Variants in XXYLT1 observed in about 807,000 individuals in gnomAD.
XXYLT1 encodes xyloside xylosyltransferase 1.
In XXYLT1, 20 loss-of-function variants were observed where a neutral mutation model predicts 28.9. The ratio of observed to expected loss-of-function variants is 0.69; its 90% CI spans 0.49 to 1.00. The LOEUF is 1.00. Ranked by LOEUF, XXYLT1 falls within the 50% of genes least tolerant of loss-of-function variation. The probability of loss-of-function intolerance (pLI) is 0.00; values close to 1 mark genes in which losing one functional copy is unlikely to be tolerated. For synonymous variants in XXYLT1, 257 were observed against 253.8 expected (o/e 1.01, Z -0.12); for missense variants, 542 against 560.1 (o/e 0.97, Z 0.33).
intron 3 of XXYLT1, among the ~76,000 whole-genome samples, chr3:195,155,983 C>A (rs116898045): frequency 1.3e-5 from 2 of 152,182 alleles, no homozygotes; most frequent in Non-Finnish European, 2.9e-5. Context: ...ATGCGGAATG[C>A]GCTTCTTCGT....
At chr3:195,200,744 T>C (rs1364615110) in intron 2 of XXYLT1, among the ~76,000 whole-genome samples, 1 of 152,120 alleles carries the variant, frequency 6.6e-6, no homozygotes, top group Admixed American at 6.5e-5. Flanking sequence ...GCCCCATCAG[T>C]TACTCGTTAG....
rs989707569 is a variant in XXYLT1, at chr3:195,246,258, G to A, written c.505-19402C>T. 1.1e-4 allele frequency among the ~76,000 whole-genome samples: 17 copies of A among 152,342 alleles called. No individual in the cohort carries two copies. In the South Asian group the frequency reaches 1.4e-3, roughly 13 times the overall value. On this transcript the variant is annotated intron_variant, in intron 1 of 3. Coordinates refer to ENST00000310380, the MANE Select transcript of XXYLT1 (RefSeq NM_152531.5). Reference sequence around the variant, plus strand: ...CATCGGTCCCCAGGAAGACAAGGCTGTCACGACTGGAAGAAAGAAGACCTG... The same window carrying A: ...CATCGGTCCCCAGGAAGACAAGGCTATCACGACTGGAAGAAAGAAGACCTG...
At chr3:195,101,098 C>T (rs1215832358) in intron 3 of XXYLT1, among the ~76,000 whole-genome samples, 2 of 152,286 alleles carry the variant, frequency 1.3e-5, no homozygotes, top group Non-Finnish European at 1.5e-5. Context: ...AGCCTCACTG[C>T]TGTAATCCAC....
intron 3 of XXYLT1, among the ~76,000 whole-genome samples, chr3:195,143,888 A>T (rs988944481): frequency 0.013 from 1,531 of 116,312 alleles, 83 homozygotes; most frequent in East Asian, 0.036. Flanking sequence ...ATATATATAT[A>T]TTTATTTTTT....
At chr3:195,231,180 T>G (rs1724283179) in intron 1 of XXYLT1, among the ~76,000 whole-genome samples, 1 of 152,196 alleles carries the variant, frequency 6.6e-6, no homozygotes, top group South Asian at 2.1e-4. Flanking sequence ...TGTTCACTGT[T>G]GGCATATAGA....
chr3:195,104,684 T>A (rs1177689325), intron 3 of XXYLT1, among the ~76,000 whole-genome samples: 1 of 152,204 alleles, frequency 6.6e-6, no homozygotes, highest in Non-Finnish European at 1.5e-5. Flanking sequence ...GCAGGCCTAG[T>A]ATCATCCTGA....
rs778372017 is a variant in XXYLT1, at chr3:195,069,824, G to A, written c.1073C>T (p.Thr358Ile). ...LDCTWNRQLC[T>I]WWRDHGYSDV... ...ACTGTAGCCATGGTCCCTCCACCAG[G>A]TGCACAGCTGCCGGTTCCAGGTACA... The change falls in exon 4 of 4, where the codon ACC becomes ATC. Residue 358 changes from threonine to isoleucine, a missense_variant. Physicochemically the swap from Thr to Ile is moderately conservative, Grantham distance 89. Transcript: ENST00000310380. The A allele has an allele frequency of 5.0e-6, 8 of 1,614,048 alleles. No homozygotes were observed. The highest frequency in any genetic ancestry group is 6.8e-6 in the Non-Finnish European group (8 of 1,180,038).
intron 3 of XXYLT1, among the ~76,000 whole-genome samples, chr3:195,110,590 GT>G (rs1416317330): frequency 4.5e-4 from 62 of 138,566 alleles, no homozygotes; most frequent in Admixed American, 9.4e-4. Context: ...TGGTGTATGT[GT>G]GTGTGTGCTG....
intron 1 of XXYLT1, among the ~76,000 whole-genome samples, chr3:195,246,816 A>C (rs1344738248): frequency 6.6e-6 from 1 of 152,172 alleles, no homozygotes; most frequent in African/African-American, 2.4e-5. Flanking sequence ...GCATAAATCC[A>C]GGATTTCTTT....
chr3:195,075,430 G>A (rs1224041589), intron 3 of XXYLT1, among the ~76,000 whole-genome samples: 1 of 152,228 alleles, frequency 6.6e-6, no homozygotes. Context: ...GGGTCACGCT[G>A]CTGAAAGGGC....
intron 3 of XXYLT1, among the ~76,000 whole-genome samples, chr3:195,107,081 T>A (rs1444535573): frequency 6.6e-6 from 1 of 152,108 alleles, no homozygotes; most frequent in Non-Finnish European, 1.5e-5. Context: ...CTTTGCCTGG[T>A]GGAATGGAGA....
In XXYLT1 at chr3:195,150,843, CT is replaced by C. The variant is rs1560121839; in HGVS notation, c.785+5605del. Among the ~76,000 whole-genome samples the C allele has an allele frequency of 0.2, 29,904 of 149,894 alleles. 3,627 individuals carry two copies. Among genetic ancestry groups the C allele is most frequent in the East Asian group, 0.41 (2,004 of 4,888 alleles). On this transcript the variant is annotated intron_variant, in intron 3 of 3. Coordinates refer to ENST00000310380, the MANE Select transcript of XXYLT1 (RefSeq NM_152531.5). This position sits in a 1 kb window ranked among gnomAD's most constrained non-coding sequence, Gnocchi z 4.7. The stretch of plus-strand genomic sequence containing the variant: ...ACACACTCACACATACGCACACTCT[CT>C]CACACACTCTCACACACACACACAC...
intron 3 of XXYLT1, chr3:195,095,639 C>T (rs1335791341): frequency 3.3e-5 from 5 of 153,810 alleles, no homozygotes; most frequent in African/African-American, 1.2e-4. Context: ...AGCAACAGCG[C>T]CTGATGACTC....
At chr3:195,136,234 G>T (rs1164167325) in intron 3 of XXYLT1, among the ~76,000 whole-genome samples, 1 of 152,196 alleles carries the variant, frequency 6.6e-6, no homozygotes, top group Non-Finnish European at 1.5e-5. Context: ...CACTCGGACA[G>T]CGCTCAAACG....
intron 1 of XXYLT1, among the ~76,000 whole-genome samples, chr3:195,229,824 T>C (rs369811455): frequency 1.8e-4 from 28 of 152,246 alleles, no homozygotes; most frequent in African/African-American, 6.3e-4. Flanking sequence ...ATCCCAGCTA[T>C]TGTGAATAGT....
At chr3:195,252,719 CACACACACAGAG>C (rs1354351432) in intron 1 of XXYLT1, among the ~76,000 whole-genome samples, 9 of 138,312 alleles carry the variant, frequency 6.5e-5, no homozygotes, top group African/African-American at 1.6e-4. Context: ...CACACACACA[CACACACACAGAG>C]AGAGAGAGAG....
intron 2 of XXYLT1, among the ~76,000 whole-genome samples, chr3:195,157,598 C>T (rs1017125097): frequency 2.0e-5 from 3 of 152,154 alleles, no homozygotes; most frequent in Non-Finnish European, 4.4e-5. Context: ...CTATCCTTCA[C>T]CCAGCCCAGC....
chr3:195,094,418 G>C (rs1029732365), intron 3 of XXYLT1, among the ~76,000 whole-genome samples: 1 of 152,142 alleles, frequency 6.6e-6, no homozygotes, highest in Non-Finnish European at 1.5e-5. Flanking sequence ...ACGCATGCAG[G>C]CCCAGAGTGG....
At chr3:195,114,321 T>C (rs997649352) in intron 3 of XXYLT1, among the ~76,000 whole-genome samples, 1 of 152,104 alleles carries the variant, frequency 6.6e-6, no homozygotes, top group Non-Finnish European at 1.5e-5. Flanking sequence ...GCACCCAAAA[T>C]GGAGGATCTG....
Sources: gnomAD v4.1 joint callset for allele counts (sites outside exome capture counted in the v4.1 genomes callset) on GRCh38, gnomAD v4.1.1 for gene constraint, Gnocchi (gnomAD v3.1) non-coding constraint, MANE v1.5 for transcripts, NCBI Gene and HGNC (gene_info 2026-07-23, HGNC 2026-07-21) for gene names.